CEP63: variants seen among roughly 807,000 people sequenced by gnomAD.
CEP63 encodes the protein centrosomal protein 63, also known as centrosomal protein of 63 kDa.
Under a neutral mutation model 89.1 loss-of-function variants are expected in CEP63, and 84 were observed. That is an observed-to-expected ratio of 0.94 (90% confidence interval 0.79 to 1.13). The LOEUF (loss-of-function observed/expected upper bound fraction) is 1.13, where lower values mean the gene tolerates loss of function less well. Ranked by LOEUF, CEP63 falls within the 50% of genes most tolerant of loss-of-function variation. CEP63 has a pLI of 0.00. For missense variants in CEP63, 838 were observed against 813.3 expected, an observed-to-expected ratio of 1.03 and a Z score of -0.37; for synonymous variants, 267 against 272.5, an observed-to-expected ratio of 0.98 and a Z score of 0.20.
At chr3:134,495,897 G>A (rs940826750) in intron 2 of CEP63, among the ~76,000 whole-genome samples, 1 of 152,112 alleles carries the variant, frequency 6.6e-6, no homozygotes, top group African/African-American at 2.4e-5. Context: ...GCAAATAACA[G>A]GGCTTCATTC....
downstream of CEP63, among the ~76,000 whole-genome samples, chr3:134,579,925 C>T (rs1272282893): frequency 6.6e-6 from 1 of 152,144 alleles, no homozygotes; most frequent in Admixed American, 6.5e-5. Flanking sequence ...AAGGGCTGGG[C>T]GTGGTGGCTC....
At chr3:134,653,907 T>G in the CEP63 span, among the ~76,000 whole-genome samples, 1 of 152,174 alleles carries the variant, frequency 6.6e-6, no homozygotes, top group Non-Finnish European at 1.5e-5. Context: ...TGCTACCATC[T>G]TGAATAAAAA....
intron 3 of CEP63, among the ~76,000 whole-genome samples, chr3:134,515,110 T>C (rs927713629): frequency 6.6e-6 from 1 of 152,204 alleles, no homozygotes; most frequent in Non-Finnish European, 1.5e-5. Context: ...AATTGAAGTA[T>C]TTATAGCTAA....
chr3:134,530,511 T>G (rs1949665757), intron 3 of CEP63, among the ~76,000 whole-genome samples: 1 of 152,212 alleles, frequency 6.6e-6, no homozygotes, highest in South Asian at 2.1e-4. Context: ...CCCTTTGATT[T>G]TTTTGTAAAT....
At chr3:134,765,463 A>G in the CEP63 span, among the ~76,000 whole-genome samples, 2 of 152,278 alleles carry the variant, frequency 1.3e-5, no homozygotes, top group African/African-American at 4.8e-5. Context: ...GCCCCAACAC[A>G]TCTGTGAGTG....
At chr3:134,609,669 G>A in the CEP63 span, among the ~76,000 whole-genome samples, 2 of 152,246 alleles carry the variant, frequency 1.3e-5, no homozygotes, top group South Asian at 4.1e-4. Flanking sequence ...CGGCTGCCCT[G>A]CCCCACTGTG....
At chr3:134,538,532 T>TATATATATAC (rs60876471) in intron 6 of CEP63, among the ~76,000 whole-genome samples, 1 of 5,800 alleles carries the variant, frequency 1.7e-4, no homozygotes, top group East Asian at 6.7e-3. Context: ...TGTGTGTGTG[T>TATATATATAC]GTATATATAT....
the CEP63 span, among the ~76,000 whole-genome samples, chr3:134,616,036 CG>C: frequency 7.2e-5 from 11 of 152,172 alleles, no homozygotes; most frequent in Non-Finnish European, 1.6e-4. Flanking sequence ...GCCATGCTAA[CG>C]GGAAGAGAAT....
the CEP63 span, among the ~76,000 whole-genome samples, chr3:134,699,148 G>C: frequency 6.6e-5 from 10 of 152,316 alleles, no homozygotes; most frequent in African/African-American, 2.4e-4. Flanking sequence ...GACTGCCCTG[G>C]ATAAACATAT....
At chr3:134,496,775 T>C (rs1419874671) in intron 2 of CEP63, among the ~76,000 whole-genome samples, 1 of 152,242 alleles carries the variant, frequency 6.6e-6, no homozygotes, top group Non-Finnish European at 1.5e-5. Context: ...AATCTCTTTC[T>C]AAAATGGAGT....
At chr3:134,499,820 C>CTTTTTTTTTTT (rs747946881) in intron 2 of CEP63, among the ~76,000 whole-genome samples, 4 of 99,126 alleles carry the variant, frequency 4.0e-5, no homozygotes, top group Admixed American at 1.3e-4. Context: ...CCATCTTCAT[C>CTTTTTTTTTTT]TTTTTTTTTT....
the CEP63 span, among the ~76,000 whole-genome samples, chr3:134,660,673 C>G: frequency 6.6e-6 from 1 of 152,128 alleles, no homozygotes; most frequent in Non-Finnish European, 1.5e-5. Flanking sequence ...AAGGAGCTCT[C>G]GATTTAGTGA....
At chr3:134,538,565 ATTTT>A (rs991732919) in intron 6 of CEP63, among the ~76,000 whole-genome samples, 1 of 138,232 alleles carries the variant, frequency 7.2e-6, no homozygotes, top group Admixed American at 7.9e-5. Context: ...GTATATATAT[ATTTT>A]TTTAACAACA....
intron 3 of CEP63, among the ~76,000 whole-genome samples, chr3:134,522,324 G>A (rs1322963989): frequency 6.6e-6 from 1 of 152,196 alleles, no homozygotes; most frequent in African/African-American, 2.4e-5. Context: ...GGATCTTCAA[G>A]TGGGTCACAG....
downstream of CEP63, among the ~76,000 whole-genome samples, chr3:134,588,713 A>C (rs1958537611): frequency 6.6e-6 from 1 of 152,224 alleles, no homozygotes; most frequent in Admixed American, 6.5e-5. Flanking sequence ...GGAAGACATA[A>C]GGAGTAGCAA....
At chr3:134,514,146 G>A (rs149833215) in intron 3 of CEP63, among the ~76,000 whole-genome samples, 126 of 152,032 alleles carry the variant, frequency 8.3e-4, no homozygotes, top group African/African-American at 2.6e-3. Flanking sequence ...TGAGCATTTC[G>A]AAAAAGAATT....
At chr3:134,721,960 T>C in the CEP63 span, among the ~76,000 whole-genome samples, 1 of 152,144 alleles carries the variant, frequency 6.6e-6, no homozygotes, top group Non-Finnish European at 1.5e-5. Flanking sequence ...TTGTCTGGTT[T>C]TGGCATTAAG....
At chr3:134,559,705 A>G (rs927966455) in intron 14 of CEP63, among the ~76,000 whole-genome samples, 1 of 152,178 alleles carries the variant, frequency 6.6e-6, no homozygotes, top group Middle Eastern at 3.4e-3. Context: ...GTGATGCTCA[A>G]TTTTCTTCTG....
the CEP63 span, among the ~76,000 whole-genome samples, chr3:134,716,778 A>G: frequency 6.6e-6 from 1 of 152,092 alleles, no homozygotes; most frequent in Non-Finnish European, 1.5e-5. Flanking sequence ...AAAGACAATA[A>G]TTTTGTTTTT....
Sources: gnomAD v4.1 joint callset for allele counts (sites outside exome capture counted in the v4.1 genomes callset) on GRCh38, gnomAD v4.1.1 for gene constraint, MANE v1.5 for transcripts, NCBI Gene and HGNC (gene_info 2026-07-23, HGNC 2026-07-21) for gene names.